Variants in PDE3A observed in about 807,000 individuals in gnomAD.
PDE3A encodes the protein cGMP-inhibited 3',5'-cyclic phosphodiesterase 3A.
PDE3A carries 43 observed loss-of-function variants against 98.3 expected under a neutral mutation model. That is an observed-to-expected ratio of 0.44 (90% CI 0.34 to 0.56). The LOEUF is 0.56. PDE3A is among the 20% of genes least tolerant of loss of function. The pLI is 0.01. For missense variants in PDE3A, 1,427 were observed against 1,440.7 expected, an observed-to-expected ratio of 0.99 and a Z score of 0.15; for synonymous variants, 663 against 567.9, an observed-to-expected ratio of 1.17 and a Z score of -2.38.
intron 1 of PDE3A, among the ~76,000 whole-genome samples, chr12:20,422,155 G>A (rs1944526146): frequency 6.6e-6 from 1 of 152,060 alleles, no homozygotes; most frequent in African/African-American, 2.4e-5. Context: ...GACCATCCTG[G>A]CTAACACGGT....
At chr12:20,389,373 T>G (rs1943871885) in intron 1 of PDE3A, among the ~76,000 whole-genome samples, 1 of 151,922 alleles carries the variant, frequency 6.6e-6, no homozygotes, top group African/African-American at 2.4e-5. Flanking sequence ...TACAACTATA[T>G]CTCATCAATC....
chr12:20,661,535 T>A (rs1193606984), intron 15 of PDE3A, among the ~76,000 whole-genome samples: 1 of 152,144 alleles, frequency 6.6e-6, no homozygotes, highest in East Asian at 1.9e-4. Flanking sequence ...TTTAATGGGC[T>A]GGGTTCAGGG....
At chr12:20,386,099 AAATATATATAT>A (rs1297889428) in intron 1 of PDE3A, among the ~76,000 whole-genome samples, 3 of 49,146 alleles carry the variant, frequency 6.1e-5, no homozygotes, top group African/African-American at 2.2e-4. Context: ...AAATATATAT[AAATATATATAT>A]AAATATATAT....
intron 2 of PDE3A, among the ~76,000 whole-genome samples, chr12:20,570,779 C>G (rs1156293152): frequency 6.6e-6 from 1 of 152,068 alleles, no homozygotes; most frequent in Non-Finnish European, 1.5e-5. Context: ...TAACTATGCT[C>G]TTCATTTAAT....
rs1945881783 is a variant in PDE3A at position 20,684,117 on chromosome 12, A to G, written c.*3846A>G. Reference sequence around the variant, plus strand: ...TGAAATTATTAATTTATAAAAGTGAACTAATTGTGTGATTATCAAATCCTG... The same window carrying G: ...TGAAATTATTAATTTATAAAAGTGAGCTAATTGTGTGATTATCAAATCCTG... On this transcript the variant is annotated 3_prime_UTR_variant, in exon 16 of 16. Coordinates refer to ENST00000359062, the MANE Select transcript of PDE3A (RefSeq NM_000921.5). 2.0e-5 allele frequency: 3 copies of G among 152,182 alleles called. No homozygotes were observed. The highest frequency in any genetic ancestry group is 1.3e-4 in the Admixed American group (2 of 15,286). The allele number at this position is 152,182 out of a possible 1,614,324, so 9.4% of individuals were successfully genotyped here. A position where few individuals can be genotyped will look rare whatever the true frequency, so the allele number is the denominator to read the frequency against.
chr12:20,634,028 A>G (rs1419728013), intron 7 of PDE3A, among the ~76,000 whole-genome samples: 1 of 152,150 alleles, frequency 6.6e-6, no homozygotes, highest in Non-Finnish European at 1.5e-5. Flanking sequence ...ATTTAAAAGG[A>G]CAAGGGAGAA....
At position 20,613,604 on chromosome 12, in the gene PDE3A, C is replaced by G. The variant is rs777090684; in HGVS notation, c.1173C>G (p.His391Gln). The G allele has an allele frequency of 4.3e-6, 7 of 1,613,962 alleles. No individual in the cohort carries two copies. The Admixed American group carries it at 1.0e-4, about 23-fold the overall frequency. Residue 391 changes from histidine (H) to glutamine (Q), a missense_variant, in exon 3 of 16, where the codon CAC becomes CAG. Physicochemically the swap from His to Gln is conservative, Grantham distance 24. Around this residue, in one of 3 missense-constraint regions of PDE3A, gnomAD observed 1,012 missense variants for 886.5 expected, o/e 1.14. Coordinates refer to ENST00000359062, the MANE Select transcript of PDE3A (RefSeq NM_000921.5). ...LSTQLTFQAI[H>Q]KPRVNPVTSL... ...CACAGCTCACCTTCCAGGCCATTCA[C>G]AAGCCCAGAGTGAATCCCGTCACTT...
At chr12:20,614,706 A>C (rs1438035924) in intron 3 of PDE3A, among the ~76,000 whole-genome samples, 1 of 152,140 alleles carries the variant, frequency 6.6e-6, no homozygotes, top group Non-Finnish European at 1.5e-5. Context: ...AGAGTGTTTG[A>C]GTTTTCTCTT....
At chr12:20,456,168 A>G (rs1397327171) in intron 1 of PDE3A, among the ~76,000 whole-genome samples, 2 of 152,122 alleles carry the variant, frequency 1.3e-5, no homozygotes, top group Non-Finnish European at 2.9e-5. Context: ...TGTATATTTT[A>G]GAACCTTTAG....
chr12:20,596,893 A>G (rs767572287), intron 2 of PDE3A, among the ~76,000 whole-genome samples: 3 of 152,192 alleles, frequency 2.0e-5, no homozygotes, highest in African/African-American at 7.2e-5. Flanking sequence ...AAAATACCGT[A>G]TAGCAAATTG....
At chr12:20,662,377 C>T (rs1945195461) in intron 15 of PDE3A, among the ~76,000 whole-genome samples, 1 of 152,108 alleles carries the variant, frequency 6.6e-6, no homozygotes, top group South Asian at 2.1e-4. Context: ...GTTTTGCTTA[C>T]CCTGCAGAGC....
At chr12:20,607,672 C>T (rs1592105584) in intron 2 of PDE3A, among the ~76,000 whole-genome samples, 1 of 151,146 alleles carries the variant, frequency 6.6e-6, no homozygotes, top group African/African-American at 2.4e-5. Context: ...ATTTCTATTA[C>T]AAGGAGAGTC....
chr12:20,679,910 A>ATATATT, intron 15 of PDE3A, 120 bp from the exon 16 acceptor site: 1 of 24,766 alleles, frequency 4.0e-5, no homozygotes, highest in African/African-American at 1.5e-4. Flanking sequence ...TATATAATAT[A>ATATATT]ATATAATATA....
At chr12:20,458,311 T>C (rs1232522646) in intron 1 of PDE3A, among the ~76,000 whole-genome samples, 2 of 152,002 alleles carry the variant, frequency 1.3e-5, no homozygotes, top group African/African-American at 4.8e-5. Context: ...TGCCACTATT[T>C]CCTTGTTTTT....
chr12:20,373,481 C>A (rs1025216911), intron 1 of PDE3A, among the ~76,000 whole-genome samples: 1 of 151,934 alleles, frequency 6.6e-6, no homozygotes, highest in Non-Finnish European at 1.5e-5. Context: ...TTTGTTATTG[C>A]AAATTGTATT....
chr12:20,651,560 G>GT (rs1465959207), intron 14 of PDE3A, among the ~76,000 whole-genome samples: 1 of 152,112 alleles, frequency 6.6e-6, no homozygotes, highest in Non-Finnish European at 1.5e-5. Flanking sequence ...CCTAAAAAAG[G>GT]TATGAATATA....
At chr12:20,602,162 C>T (rs1943608087) in intron 2 of PDE3A, among the ~76,000 whole-genome samples, 1 of 152,148 alleles carries the variant, frequency 6.6e-6, no homozygotes, top group African/African-American at 2.4e-5. Context: ...ACCAAGCCTT[C>T]CCACATTTGT....
intron 1 of PDE3A, among the ~76,000 whole-genome samples, chr12:20,540,322 AATT>A (rs1941861068): frequency 6.6e-6 from 1 of 152,288 alleles, no homozygotes; most frequent in East Asian, 1.9e-4. Context: ...CTAAAAAGTA[AATT>A]TAGTTAGAAT....
rs893181346 is a variant in PDE3A at position 20,643,272 on chromosome 12, A to T, written c.2252-3218A>T. ...TCTGATAGCATTTCTTATCCTTCTCAGTTGCCTACCCTGGCCAGAAGAAGA... is the reference window on the plus strand; with the variant it reads ...TCTGATAGCATTTCTTATCCTTCTCTGTTGCCTACCCTGGCCAGAAGAAGA... On this transcript the variant is annotated intron_variant, in intron 10 of 15. Transcript: ENST00000359062. Among the ~76,000 whole-genome samples, 104 of 152,336 alleles carry T rather than the reference A, an allele frequency of 6.8e-4. 1 individual carries two copies. Among genetic ancestry groups the T allele is most frequent in the Non-Finnish European group, 5.6e-4 (38 of 68,034 alleles).
Sources: gnomAD v4.1 joint callset for allele counts (sites outside exome capture counted in the v4.1 genomes callset) on GRCh38, gnomAD v4.1.1 for gene constraint, gnomAD v4.1.1 regional missense constraint, MANE v1.5 for transcripts, NCBI Gene and HGNC (gene_info 2026-07-23, HGNC 2026-07-21) for gene names.